NPSR1: variants seen among roughly 807,000 people sequenced by gnomAD.
NPSR1 encodes neuropeptide S receptor 1, also known as neuropeptide S receptor.
Under a neutral mutation model 46.9 loss-of-function variants are expected in NPSR1, and 48 were observed. That is an observed-to-expected ratio of 1.02 (90% CI 0.81 to 1.30). The LOEUF (loss-of-function observed/expected upper bound fraction) is 1.30. NPSR1 is among the 50% of genes most tolerant of loss of function. The pLI is 0.00. For synonymous variants in NPSR1, 176 were observed against 168.1 expected, an observed-to-expected ratio of 1.05 and a Z score of -0.36; for missense variants, 450 against 449.5, an observed-to-expected ratio of 1.00 and a Z score of -0.01.
At chr7:34,802,103 G>A (rs1788448851) in intron 3 of NPSR1, among the ~76,000 whole-genome samples, 2 of 150,038 alleles carry the variant, frequency 1.3e-5, no homozygotes, top group Non-Finnish European at 2.9e-5. Context: ...ATGCTCATGG[G>A]TAGGAAGAAT....
chr7:34,696,106 A>G (rs1020603448), intron 2 of NPSR1, among the ~76,000 whole-genome samples: 4 of 150,866 alleles, frequency 2.7e-5, no homozygotes, highest in Non-Finnish European at 5.9e-5. Context: ...AAACTGCGGT[A>G]TATATACACC....
intron 4 of NPSR1, among the ~76,000 whole-genome samples, chr7:34,820,992 G>T (rs1053256296): frequency 6.6e-6 from 1 of 152,080 alleles, no homozygotes; most frequent in Non-Finnish European, 1.5e-5. Context: ...ACCTGAACCC[G>T]CACTGCCCAT....
intron 8 of NPSR1, among the ~76,000 whole-genome samples, chr7:34,870,931 G>C (rs1791439737): frequency 6.6e-6 from 1 of 151,676 alleles, no homozygotes; most frequent in Admixed American, 6.5e-5. Context: ...TGGATGGATG[G>C]ATAGATGGAT....
intron 6 of NPSR1, among the ~76,000 whole-genome samples, chr7:34,839,986 C>T (rs1408690719): frequency 6.6e-6 from 1 of 152,102 alleles, no homozygotes; most frequent in African/African-American, 2.4e-5. Context: ...GTTTTGTGAA[C>T]AGCTCGTCTG....
intron 3 of NPSR1, among the ~76,000 whole-genome samples, chr7:34,807,893 C>CCCA (rs1224785435): frequency 1.2e-4 from 18 of 151,738 alleles, no homozygotes; most frequent in African/African-American, 3.4e-4. Flanking sequence ...GCCCCTACCC[C>CCCA]CCACCACCAC....
At chr7:34,831,220 C>T (rs1299355078) in intron 5 of NPSR1, among the ~76,000 whole-genome samples, 2 of 152,022 alleles carry the variant, frequency 1.3e-5, no homozygotes, top group African/African-American at 2.4e-5. Context: ...ATGAATAACG[C>T]AATAAATTGC....
chr7:34,829,363 A>G (rs1790012626), intron 5 of NPSR1, among the ~76,000 whole-genome samples: 2 of 152,206 alleles, frequency 1.3e-5, no homozygotes, highest in Non-Finnish European at 2.9e-5. Context: ...CCACTCCATC[A>G]AGCTGAGCTT....
At chr7:34,870,189 C>T (rs1248457272) in intron 8 of NPSR1, among the ~76,000 whole-genome samples, 1 of 151,864 alleles carries the variant, frequency 6.6e-6, no homozygotes, top group Non-Finnish European at 1.5e-5. Context: ...ACCATGCGCA[C>T]ACCCAGAACA....
chr7:34,664,937 A>T (rs1307233468), intron 1 of NPSR1, among the ~76,000 whole-genome samples: 1 of 152,096 alleles, frequency 6.6e-6, no homozygotes, highest in Non-Finnish European at 1.5e-5. Flanking sequence ...AAAATGATAG[A>T]TCTATTACTC....
chr7:34,847,261 T>C (rs1423789287), intron 7 of NPSR1, among the ~76,000 whole-genome samples: 1 of 152,108 alleles, frequency 6.6e-6, no homozygotes, highest in Admixed American at 6.5e-5. Context: ...AAACTTCTAC[T>C]CCGAGAAAAA....
chr7:34,794,943 G>C (rs1480554735), intron 3 of NPSR1, among the ~76,000 whole-genome samples: 1 of 152,214 alleles, frequency 6.6e-6, no homozygotes, highest in Non-Finnish European at 1.5e-5. Context: ...GGAGGTTGAG[G>C]CAGGAGGATT....
At chr7:34,762,118 G>A (rs746336280) in intron 2 of NPSR1, among the ~76,000 whole-genome samples, 3 of 152,096 alleles carry the variant, frequency 2.0e-5, no homozygotes, top group Non-Finnish European at 4.4e-5. Context: ...ATTTGGTTGG[G>A]GGAACTAATG....
intron 2 of NPSR1, among the ~76,000 whole-genome samples, chr7:34,734,649 A>C (rs1325418400): frequency 6.6e-6 from 1 of 152,230 alleles, no homozygotes; most frequent in Non-Finnish European, 1.5e-5. Flanking sequence ...TCACAAGAGA[A>C]AAAGCACTAA....
chr7:34,731,010 A>C (rs1254362823), intron 2 of NPSR1, among the ~76,000 whole-genome samples: 1 of 152,218 alleles, frequency 6.6e-6, no homozygotes, highest in Non-Finnish European at 1.5e-5. Flanking sequence ...AAGAATTTCA[A>C]TAACTCGCAT....
chr7:34,797,976 C>T (rs36125961), intron 3 of NPSR1, among the ~76,000 whole-genome samples: 1 of 151,940 alleles, frequency 6.6e-6, no homozygotes, highest in East Asian at 1.9e-4. Context: ...CTCAGACATA[C>T]AAAAACAGGA....
In NPSR1 at chr7:34,827,413, G is replaced by A. The variant is rs569538789; in HGVS notation, c.491G>A (p.Arg164Lys). ...MKFLQGEKQA[R>K]VLIVIAWSLS... Reference sequence around the variant, plus strand: ...TTTCTTTGGGCAGAAAAGCAAGCCAGGGTCCTCATTGTGATCGCCTGGAGC... The same window carrying A: ...TTTCTTTGGGCAGAAAAGCAAGCCAAGGTCCTCATTGTGATCGCCTGGAGC... Residue 164 changes from arginine to lysine, a missense_variant, in exon 5 of 9, where the codon AGG becomes AAG. Coordinates refer to ENST00000360581, the MANE Select transcript of NPSR1 (RefSeq NM_207172.2). The A allele has an allele frequency of 1.2e-6, 2 of 1,614,060 alleles. No individual in the cohort carries two copies. The highest frequency in any genetic ancestry group is 4.5e-5 in the East Asian group (2 of 44,874).
chr7:34,834,524 GC>G, intron 6 of NPSR1, 64 bp downstream of exon 6: 1 of 1,116,046 alleles, frequency 9.0e-7, no homozygotes, highest in East Asian at 2.3e-5. Flanking sequence ...TTTTCTTCTA[GC>G]AAATGTGAGC....
chr7:34,676,807 G>T (rs1458960997), intron 1 of NPSR1, among the ~76,000 whole-genome samples: 1 of 152,110 alleles, frequency 6.6e-6, no homozygotes, highest in Non-Finnish European at 1.5e-5. Context: ...GCCCGGGGAG[G>T]CTTCCTATGT....
In NPSR1 at chr7:34,792,641, G is replaced by GTATATATATATGTATATATATATT. The variant is rs1787945862; in HGVS notation, c.384+14086_384+14109dup. Among the ~76,000 whole-genome samples the GTATATATATATGTATATATATATT allele has an allele frequency of 1.8e-4, 15 of 81,112 alleles. No homozygotes were observed. In the South Asian group the frequency reaches 4.8e-3, roughly 26 times the overall value. The allele number at this position is 81,112 out of a possible 152,430, so 53.2% of individuals were successfully genotyped here. On this transcript the variant is annotated intron_variant, in intron 3 of 8. Coordinates refer to ENST00000360581, the MANE Select transcript of NPSR1 (RefSeq NM_207172.2). ...TGTATATGTGTGTGTGTGTGTATGTGTATATATATATGTATATATATATTT... is the reference window on the plus strand; with the variant it reads ...TGTATATGTGTGTGTGTGTGTATGTGTATATATATATGTATATATATATTTATATATATATGTATATATATATTT...
Sources: allele counts gnomAD v4.1 joint callset (sites outside exome capture counted in the v4.1 genomes callset), GRCh38; gene constraint gnomAD v4.1.1; transcripts MANE v1.5; gene names NCBI Gene and HGNC (gene_info 2026-07-23, HGNC 2026-07-21).